Variants in MAP3K20 observed in about 807,000 individuals in gnomAD.
MAP3K20 encodes HCCS-4.
In MAP3K20, 40 loss-of-function variants were observed where a neutral mutation model predicts 85.7. The ratio of observed to expected loss-of-function variants is 0.47; its 90% confidence interval spans 0.36 to 0.61. The LOEUF (loss-of-function observed/expected upper bound fraction) is 0.61. MAP3K20 is among the 20% of genes least tolerant of loss of function. MAP3K20 has a pLI of 0.00. For missense variants in MAP3K20, 817 were observed against 961.7 expected (o/e 0.85, Z 1.99); for synonymous variants, 325 against 327.7 (o/e 0.99, Z 0.09).
intron 7 of MAP3K20, among the ~76,000 whole-genome samples, chr2:173,196,087 T>C (rs1464703694): frequency 5.2e-5 from 3 of 57,478 alleles, no homozygotes; most frequent in Non-Finnish European, 1.9e-4. Context: ...GTACACGGCG[T>C]GTTTATCATA....
intron 2 of MAP3K20, among the ~76,000 whole-genome samples, chr2:173,169,016 TTA>T (rs1237761430): frequency 3.9e-5 from 6 of 152,172 alleles, no homozygotes; most frequent in Admixed American, 2.0e-4. Context: ...GAATCTACCT[TTA>T]TATGTTTATA....
At chr2:173,099,690 G>A (rs1257880963) in intron 2 of MAP3K20, among the ~76,000 whole-genome samples, 2 of 152,030 alleles carry the variant, frequency 1.3e-5, no homozygotes, top group South Asian at 4.2e-4. Flanking sequence ...AGTCATACAA[G>A]CGTATTTTCT....
At chr2:173,226,642 G>A in intron 11 of MAP3K20, 1 of 985,842 alleles carries the variant, frequency 1.0e-6, no homozygotes, top group Non-Finnish European at 1.2e-6. Flanking sequence ...TGTTGCCTGT[G>A]AGGAGCTTTC....
At chr2:173,251,692 A>G (rs764700712) in intron 16 of MAP3K20, among the ~76,000 whole-genome samples, 31 of 152,342 alleles carry the variant, frequency 2.0e-4, no homozygotes, top group South Asian at 6.2e-4. Flanking sequence ...GGTACCGTAA[A>G]TACCTTGCTT....
In MAP3K20 at chr2:173,224,677, G is replaced by T. The variant is rs766842182; in HGVS notation, c.988-5012G>T. The T allele has an allele frequency of 5.1e-6, 5 of 985,144 alleles. No homozygotes were observed. The African/African-American group carries it at 5.2e-5, about 10-fold the overall frequency. The allele number at this position is 985,144 out of a possible 1,614,324, so 61.0% of individuals were successfully genotyped here. A position where few individuals can be genotyped will look rare whatever the true frequency, so the allele number is the denominator to read the frequency against. ...GAACTGGACTATTGATCATTACCACGTGACGTTGGCTCTATTACTTTCTGT... is the reference window on the plus strand; with the variant it reads ...GAACTGGACTATTGATCATTACCACTTGACGTTGGCTCTATTACTTTCTGT... On this transcript the variant is annotated intron_variant, in intron 11 of 19. Coordinates refer to ENST00000375213, the MANE Select transcript of MAP3K20 (RefSeq NM_016653.3).
At chr2:173,156,286 T>C (rs1051660020) in intron 2 of MAP3K20, among the ~76,000 whole-genome samples, 3 of 152,222 alleles carry the variant, frequency 2.0e-5, no homozygotes, top group Admixed American at 1.3e-4. Flanking sequence ...ATTTTGGATC[T>C]CTGTTTCTTT....
chr2:173,144,983 A>T (rs1689096341), intron 2 of MAP3K20, among the ~76,000 whole-genome samples: 1 of 152,220 alleles, frequency 6.6e-6, no homozygotes, highest in Non-Finnish European at 1.5e-5. Flanking sequence ...TTAAATGCAG[A>T]AAAGAAAAAT....
chr2:173,235,591 T>C (rs1684629719), intron 14 of MAP3K20, among the ~76,000 whole-genome samples: 1 of 152,208 alleles, frequency 6.6e-6, no homozygotes, highest in Non-Finnish European at 1.5e-5. Flanking sequence ...GCAAGGGTTC[T>C]TGACTGCCTA....
chr2:173,117,012 T>C (rs1221620992), intron 2 of MAP3K20, among the ~76,000 whole-genome samples: 2 of 152,232 alleles, frequency 1.3e-5, no homozygotes, highest in African/African-American at 2.4e-5. Flanking sequence ...GGGGACTTCA[T>C]TGGTGAAGGC....
intron 2 of MAP3K20, among the ~76,000 whole-genome samples, chr2:173,161,532 T>C (rs1437864955): frequency 1.3e-5 from 2 of 152,222 alleles, no homozygotes; most frequent in African/African-American, 4.8e-5. Flanking sequence ...CTTTAAATGT[T>C]AGTGCTTCCT....
chr2:173,140,761 T>C (rs1160151348), intron 2 of MAP3K20, among the ~76,000 whole-genome samples: 56 of 152,202 alleles, frequency 3.7e-4, no homozygotes, highest in Non-Finnish European at 1.5e-5. Flanking sequence ...AATTTTCCTG[T>C]ATCTTGACTG....
intron 2 of MAP3K20, among the ~76,000 whole-genome samples, chr2:173,091,997 A>T (rs1687315089): frequency 6.6e-6 from 1 of 152,214 alleles, no homozygotes; most frequent in South Asian, 2.1e-4. Flanking sequence ...TTGGCAAATT[A>T]TTGTTCAATA....
chr2:173,086,143 G>A (rs1346596288), intron 1 of MAP3K20, among the ~76,000 whole-genome samples: 1 of 152,022 alleles, frequency 6.6e-6, no homozygotes, highest in Admixed American at 6.6e-5. Context: ...GATTTGATTT[G>A]ATATACCATG....
Position 173,226,577 on chromosome 2 carries a change from C to T in MAP3K20, c.988-3112C>T, listed in dbSNP as rs1252715739. On this transcript the variant is annotated intron_variant, in intron 11 of 19. Coordinates refer to ENST00000375213, the MANE Select transcript of MAP3K20 (RefSeq NM_016653.3). Reference sequence around the variant, plus strand: ...TCTATGATGAAAAATGAGTATCCATCAGGAAATCTAGAAGACTAGCCGTGT... The same window carrying T: ...TCTATGATGAAAAATGAGTATCCATTAGGAAATCTAGAAGACTAGCCGTGT... 6.1e-6 allele frequency: 6 copies of T among 985,732 alleles called. No homozygotes were observed. In the African/African-American group the frequency reaches 8.7e-5, roughly 14 times the overall value. The allele number at this position is 985,732 out of a possible 1,614,324, so 61.1% of individuals were successfully genotyped here.
chr2:173,210,028 C>A, intron 10 of MAP3K20, 193 bp downstream of exon 10: 1 of 582,426 alleles, frequency 1.7e-6, no homozygotes, highest in East Asian at 3.0e-5. Flanking sequence ...TAGTGTTTCT[C>A]CAAGCTTGTT....
chr2:173,226,597 C>T lies in MAP3K20; in HGVS notation c.988-3092C>T, dbSNP rs566247214. 3.6e-5 allele frequency: 35 copies of T among 985,802 alleles called. No individual in the cohort carries two copies. The East Asian group carries it at 3.4e-3, about 96-fold the overall frequency. The allele number at this position is 985,802 out of a possible 1,614,324, so 61.1% of individuals were successfully genotyped here. A position where few individuals can be genotyped will look rare whatever the true frequency, so the allele number is the denominator to read the frequency against. On this transcript the variant is annotated intron_variant, in intron 11 of 19. Coordinates refer to ENST00000375213, the MANE Select transcript of MAP3K20 (RefSeq NM_016653.3). ...TCCATCAGGAAATCTAGAAGACTAG[C>T]CGTGTTTTCTCAGACTCCACCTTTG...
chr2:173,167,316 G>A lies in MAP3K20; in HGVS notation c.160-2489G>A, dbSNP rs1368562633. Among the ~76,000 whole-genome samples, 6 of 152,064 alleles carry A rather than the reference G, an allele frequency of 3.9e-5. No homozygotes were observed. In the South Asian group the frequency reaches 8.3e-4, roughly 21 times the overall value. The stretch of plus-strand genomic sequence containing the variant: ...TCAGAGGGTGATTGCAACAACACAG[G>A]TTTTAATAATTTGGTTAACCTCACA... On this transcript the variant is annotated intron_variant, in intron 2 of 19. Transcript: ENST00000375213.
rs188319122 is a variant in MAP3K20 at position 173,115,041 on chromosome 2, A to G, written c.159+23851A>G. Among the ~76,000 whole-genome samples the G allele has an allele frequency of 6.0e-3, 907 of 152,278 alleles. 7 individuals are homozygous for G. The highest frequency in any genetic ancestry group is 0.02 in the African/African-American group (837 of 41,552). ...ATTCTCTTCTTCCTCAGGAACACCA[A>G]TTATTCTAAGGTTTGGTCATTCAGC... On this transcript the variant is annotated intron_variant, in intron 2 of 19. Transcript: ENST00000375213.
upstream of MAP3K20, chr2:173,075,665 AG>A (rs1359678125): frequency 2.1e-6 from 2 of 937,886 alleles, no homozygotes; most frequent in Non-Finnish European, 2.5e-6. Context: ...CCCCACAGCA[AG>A]GCAGGTGTGT....
Sources: gnomAD v4.1 joint callset for allele counts (sites outside exome capture counted in the v4.1 genomes callset) on GRCh38, gnomAD v4.1.1 for gene constraint, MANE v1.5 for transcripts, NCBI Gene and HGNC (gene_info 2026-07-23, HGNC 2026-07-21) for gene names.